Variants in ESRP1 observed in about 807,000 individuals in gnomAD.
ESRP1 encodes the protein epithelial splicing regulatory protein 1, also known as RNA-binding motif protein 35A.
ESRP1 carries 33 observed loss-of-function variants against 81.7 expected under a neutral mutation model. The ratio of observed to expected loss-of-function variants is 0.40; its 90% CI spans 0.31 to 0.54. ESRP1 has a LOEUF of 0.54. Among genes scored for constraint, ESRP1 ranks in the 20% least tolerant of loss-of-function variants. The pLI, the probability that ESRP1 is intolerant of heterozygous loss-of-function variation, is 0.41. For missense variants in ESRP1, 672 were observed against 833.1 expected, an observed-to-expected ratio of 0.81 and a Z score of 2.38; for synonymous variants, 320 against 303.3, an observed-to-expected ratio of 1.06 and a Z score of -0.57.
At chr8:94,655,387 T>C (rs1011695417) in intron 4 of ESRP1, among the ~76,000 whole-genome samples, 1 of 125,070 alleles carries the variant, frequency 8.0e-6, no homozygotes, top group African/African-American at 3.3e-5. Flanking sequence ...ACACTTGGCA[T>C]CTTTTTTTTT....
intron 13 of ESRP1, among the ~76,000 whole-genome samples, chr8:94,690,219 C>T (rs927566868): frequency 1.4e-4 from 21 of 150,988 alleles, no homozygotes; most frequent in Non-Finnish European, 2.4e-4. Flanking sequence ...AAAGTGATCA[C>T]CCACTTTCAT....
At chr8:94,704,407 A>G (rs1044525447) in intron 15 of ESRP1, among the ~76,000 whole-genome samples, 4 of 152,060 alleles carry the variant, frequency 2.6e-5, no homozygotes, top group African/African-American at 9.7e-5. Context: ...CTTGAGGCTG[A>G]GTTTGAGACT....
intron 4 of ESRP1, among the ~76,000 whole-genome samples, chr8:94,661,289 G>A (rs982879138): frequency 6.6e-6 from 1 of 152,088 alleles, no homozygotes; most frequent in East Asian, 1.9e-4. Context: ...AGATCCTCCC[G>A]CCTCGGCATC....
intron 9 of ESRP1, among the ~76,000 whole-genome samples, chr8:94,667,318 G>T (rs183418710): frequency 6.6e-6 from 1 of 151,690 alleles, no homozygotes; most frequent in African/African-American, 2.4e-5. Flanking sequence ...TTTGCTATAT[G>T]ACAACACTGT....
chr8:94,675,961 T>C (rs889351414), intron 12 of ESRP1, among the ~76,000 whole-genome samples: 1 of 152,204 alleles, frequency 6.6e-6, no homozygotes, highest in Non-Finnish European at 1.5e-5. Flanking sequence ...GAGTTTATGT[T>C]TCATTTAACT....
intron 3 of ESRP1, among the ~76,000 whole-genome samples, chr8:94,645,500 G>T (rs1474171853): frequency 1.3e-5 from 2 of 152,162 alleles, no homozygotes; most frequent in Non-Finnish European, 1.5e-5. Context: ...AGCCACGGTA[G>T]TGGTCCTAAT....
chr8:94,643,329 G>A lies in ESRP1; in HGVS notation c.288G>A (p.Leu96=). The A allele has an allele frequency of 2.5e-6, 4 of 1,613,240 alleles. No homozygotes were observed. The highest frequency in any genetic ancestry group is 3.4e-6 in the Non-Finnish European group (4 of 1,179,222). The stretch of plus-strand genomic sequence containing the variant: ...TTAACCAGTCAGTGAGCAATGAACT[G>A]AATATTGGAGTAGGGACTTCCTTCT... ...RQFNQSVSNE[L]NIGVGTSFCL... The change falls in exon 3 of 16, where the codon CTG becomes CTA. Residue 96 remains leucine, a synonymous_variant. Coordinates refer to ENST00000433389, the MANE Select transcript of ESRP1 (RefSeq NM_017697.4).
In ESRP1 at chr8:94,643,371, G is replaced by T; in HGVS notation, c.330G>T (p.Gly110=). 2 of 1,613,808 alleles carry T rather than the reference G, an allele frequency of 1.2e-6. No individual in the cohort carries two copies. Among genetic ancestry groups the T allele is most frequent in the Non-Finnish European group, 1.7e-6 (2 of 1,179,722 alleles). The change falls in exon 3 of 16, where the codon GGG becomes GGT. Residue 110 remains glycine (G), a synonymous_variant. Transcript: ENST00000433389. ...CTTCCTTCTGTCTCTGTACTGATGG[G>T]CAGCTTCATGTCAGGCAAATCCTGC... ...VGTSFCLCTD[G]QLHVRQILHP...
chr8:94,676,171 G>A lies in ESRP1; in HGVS notation c.1651+1665G>A, dbSNP rs150937803. Among the ~76,000 whole-genome samples the A allele has an allele frequency of 1.4e-4, 21 of 152,078 alleles. No homozygotes were observed. In the East Asian group the frequency reaches 3.7e-3, roughly 27 times the overall value. ...GGTGGATCACATAAGGTCAGGAGTG[G>A]CCAACATGGTGAAACCCCCTCTCTA... On this transcript the variant is annotated intron_variant, in intron 12 of 15. Transcript: ENST00000433389.
intron 5 of ESRP1, 44 bp downstream of exon 5, chr8:94,662,414 A>G: frequency 6.5e-7 from 1 of 1,534,552 alleles, no homozygotes; most frequent in Non-Finnish European, 8.9e-7. Flanking sequence ...AATTCATACT[A>G]TTTTTCTCTT....
At chr8:94,680,004 G>A (rs1382931427) in intron 13 of ESRP1, among the ~76,000 whole-genome samples, 1 of 152,068 alleles carries the variant, frequency 6.6e-6, no homozygotes, top group East Asian at 1.9e-4. Flanking sequence ...CTCTATTAAA[G>A]CTCATGTTGA....
At chr8:94,662,178 A>G (rs1818781261) in intron 4 of ESRP1, 94 bp from the exon 5 acceptor site, 1 of 733,640 alleles carries the variant, frequency 1.4e-6, no homozygotes, top group Non-Finnish European at 2.2e-6. Context: ...AGCTAGATCC[A>G]TCTTCTTCCT....
rs1007300301 is a variant in ESRP1, at chr8:94,666,355, T to C, written c.931+1159T>C. Among the ~76,000 whole-genome samples, 51 of 152,220 alleles carry C rather than the reference T, an allele frequency of 3.4e-4. 1 individual carries two copies. Among genetic ancestry groups the C allele is most frequent in the Non-Finnish European group, 1.5e-4 (10 of 68,040 alleles). On this transcript the variant is annotated intron_variant, in intron 9 of 15. Coordinates refer to ENST00000433389, the MANE Select transcript of ESRP1 (RefSeq NM_017697.4). ...GCCTGAGCAACATAGTGAGATTCTG[T>C]CTGTAATAAATAAAATATCCCTGTT... is the stretch of plus-strand genomic sequence containing the variant.
chr8:94,650,446 T>C lies in ESRP1; in HGVS notation c.490+4164T>C, dbSNP rs919655229. Among the ~76,000 whole-genome samples, 4 of 152,232 alleles carry C rather than the reference T, an allele frequency of 2.6e-5. No homozygotes were observed. In the South Asian group the frequency reaches 6.2e-4, roughly 24 times the overall value. ...GTCATATAGTTGGAATCATGTAGTA[T>C]GTAATCTTTTCAGATTGTCTTTTTA... On this transcript the variant is annotated intron_variant, in intron 4 of 15. Transcript: ENST00000433389.
intron 4 of ESRP1, 25 bp from the exon 5 acceptor site, chr8:94,662,247 G>A (rs1818783721): frequency 3.5e-6 from 5 of 1,427,840 alleles, no homozygotes; most frequent in Non-Finnish European, 4.8e-6. Flanking sequence ...CCTTTCCAAA[G>A]TGTTTCCTTA....
chr8:94,657,472 C>CGTGTGTGTGTGTGTGTGT (rs9297944), intron 4 of ESRP1, among the ~76,000 whole-genome samples: 18 of 146,266 alleles, frequency 1.2e-4, no homozygotes, highest in African/African-American at 4.3e-4. Flanking sequence ...AGGCTGTGTG[C>CGTGTGTGTGTGTGTGTGT]GTGTGTGTGT....
intron 12 of ESRP1, 124 bp downstream of exon 12, chr8:94,674,630 C>T: frequency 1.3e-6 from 1 of 783,962 alleles, no homozygotes; most frequent in South Asian, 2.0e-5. Flanking sequence ...ATAAGGCTCT[C>T]CCATCTGTAA....
In ESRP1 at chr8:94,666,676, G is replaced by T. The variant is rs148685616; in HGVS notation, c.932-1273G>T. ...AATCTGCTGGTATATTTTTGCTCCA[G>T]TTCATCTTTAGATAAACTCTAAGGC... On this transcript the variant is annotated intron_variant, in intron 9 of 15. Transcript: ENST00000433389. 1.4e-4 allele frequency among the ~76,000 whole-genome samples: 21 copies of T among 152,256 alleles called. No homozygotes were observed. The East Asian group carries it at 3.7e-3, about 27-fold the overall frequency.
At chr8:94,653,713 G>A (rs1295909192) in intron 4 of ESRP1, among the ~76,000 whole-genome samples, 2 of 152,120 alleles carry the variant, frequency 1.3e-5, no homozygotes, top group Non-Finnish European at 2.9e-5. Flanking sequence ...ATGAGCTGGG[G>A]CTTTATAATT....
Sources: gnomAD v4.1 joint callset for allele counts (sites outside exome capture counted in the v4.1 genomes callset) on GRCh38, gnomAD v4.1.1 for gene constraint, MANE v1.5 for transcripts, NCBI Gene and HGNC (gene_info 2026-07-23, HGNC 2026-07-21) for gene names.